Variants in AFF1 observed in about 807,000 individuals in gnomAD.
The protein encoded by AFF1 is ALF transcription elongation factor 1, also known as AF4/FMR2 family member 1.
AFF1 carries 48 observed loss-of-function variants against 121.7 expected under a neutral mutation model. The ratio of observed to expected loss-of-function variants is 0.39; its 90% CI spans 0.31 to 0.50. AFF1 has a LOEUF of 0.50. Among genes scored for constraint, AFF1 ranks in the 20% least tolerant of loss-of-function variants. The probability of loss-of-function intolerance (pLI) is 0.76; values close to 1 mark genes in which losing one functional copy is unlikely to be tolerated. For synonymous variants in AFF1, 613 were observed against 563.0 expected, an observed-to-expected ratio of 1.09 and a Z score of -1.26; for missense variants, 1,523 against 1,511.7, an observed-to-expected ratio of 1.01 and a Z score of -0.12.
chr4:87,118,774 G>C (rs2149778149), intron 12 of AFF1, among the ~76,000 whole-genome samples: 1 of 152,334 alleles, frequency 6.6e-6, no homozygotes, highest in African/African-American at 2.4e-5. Context: ...GAGGGTAGTT[G>C]TCTAGCTCCT....
chr4:87,065,185 T>C (rs1455524624), intron 4 of AFF1, among the ~76,000 whole-genome samples: 1 of 152,216 alleles, frequency 6.6e-6, no homozygotes, highest in Non-Finnish European at 1.5e-5. Context: ...CAGTTCCACA[T>C]GGAAGCCTCA....
At chr4:87,130,250 G>C (rs1728700159) in intron 16 of AFF1, among the ~76,000 whole-genome samples, 1 of 152,196 alleles carries the variant, frequency 6.6e-6, no homozygotes, top group African/African-American at 2.4e-5. Context: ...TGGGATTACA[G>C]GCGTGAGCCA....
At chr4:87,022,635 C>T (rs3113491) in intron 2 of AFF1, among the ~76,000 whole-genome samples, 44,576 of 62,700 alleles carry the variant, frequency 0.71, 15,017 homozygotes, top group Non-Finnish European at 0.81. Flanking sequence ...TATATATGTG[C>T]GTGTATATAT....
chr4:87,137,722 T>C lies in AFF1; in HGVS notation c.*2021T>C. On this transcript the variant is annotated 3_prime_UTR_variant, in exon 21 of 21. Coordinates refer to ENST00000395146, the MANE Select transcript of AFF1 (RefSeq NM_001166693.3). ...TGTGTAGCATTGTGTGTCCATCTGT[T>C]ATATGTAAAGGACAAGGCACCAGAA... The C allele has an allele frequency of 4.3e-6, 1 of 232,626 alleles. No individual in the cohort carries two copies. The highest frequency in any genetic ancestry group is 2.2e-5 in the African/African-American group (1 of 45,436). The allele number at this position is 232,626 out of a possible 1,614,324, so 14.4% of individuals were successfully genotyped here.
At chr4:86,939,480 T>G (rs74430027) in intron 1 of AFF1, among the ~76,000 whole-genome samples, 457 of 152,348 alleles carry the variant, frequency 3.0e-3, no homozygotes, top group African/African-American at 0.01. Flanking sequence ...TTTGAACATT[T>G]GTGCCTCCAA....
chr4:87,080,373 C>T (rs541027528), intron 4 of AFF1, among the ~76,000 whole-genome samples: 228 of 152,270 alleles, frequency 1.5e-3, no homozygotes, highest in Non-Finnish European at 2.5e-3. Flanking sequence ...TCTTTAAGGA[C>T]GTTGTACATT....
chr4:86,972,271 T>C (rs1173408358), intron 2 of AFF1, among the ~76,000 whole-genome samples: 4 of 151,710 alleles, frequency 2.6e-5, no homozygotes, highest in Non-Finnish European at 4.4e-5. Flanking sequence ...TGGTCTGTTA[T>C]AGCTGAGGTT....
chr4:87,016,310 T>G (rs1273610233), intron 2 of AFF1, among the ~76,000 whole-genome samples: 1 of 152,070 alleles, frequency 6.6e-6, no homozygotes, highest in African/African-American at 2.4e-5. Context: ...CCAGCCCAAG[T>G]TTTTGTAAAA....
chr4:86,945,183 T>C (rs1025158525), intron 1 of AFF1, among the ~76,000 whole-genome samples: 8 of 152,202 alleles, frequency 5.3e-5, no homozygotes, highest in African/African-American at 1.9e-4. Context: ...GTTTTACACA[T>C]AGGGGCATGG....
At chr4:86,970,452 G>C (rs1020404620) in intron 2 of AFF1, among the ~76,000 whole-genome samples, 3 of 152,218 alleles carry the variant, frequency 2.0e-5, no homozygotes, top group Admixed American at 1.3e-4. Context: ...CTTTACTTAA[G>C]GGTACATATT....
chr4:87,015,381 G>A (rs1201565629), intron 2 of AFF1, among the ~76,000 whole-genome samples: 1 of 152,172 alleles, frequency 6.6e-6, no homozygotes, highest in Non-Finnish European at 1.5e-5. Flanking sequence ...AGGATAAAAT[G>A]AAACCTAGTG....
At chr4:87,025,329 G>A (rs888495984) in intron 2 of AFF1, among the ~76,000 whole-genome samples, 3 of 152,134 alleles carry the variant, frequency 2.0e-5, no homozygotes, top group East Asian at 3.9e-4. Flanking sequence ...AAAACTTTTT[G>A]GTACAATTCT....
intron 8 of AFF1, among the ~76,000 whole-genome samples, chr4:87,096,731 C>T (rs1221892404): frequency 1.3e-5 from 2 of 151,840 alleles, no homozygotes; most frequent in Non-Finnish European, 2.9e-5. Context: ...TCCCTTTTGC[C>T]TTTCACCTTT....
chr4:87,053,721 G>T (rs866448938), intron 4 of AFF1, among the ~76,000 whole-genome samples: 6 of 152,270 alleles, frequency 3.9e-5, no homozygotes, highest in Middle Eastern at 6.8e-3. Flanking sequence ...TTAAAATGGT[G>T]GGCAAAACCA....
At chr4:87,103,753 A>G (rs1217436767) in intron 8 of AFF1, among the ~76,000 whole-genome samples, 2 of 152,238 alleles carry the variant, frequency 1.3e-5, no homozygotes, top group Non-Finnish European at 2.9e-5. Flanking sequence ...TAGAAGAGAA[A>G]GTTACAGAAT....
At chr4:87,070,219 G>T (rs1040356071) in intron 4 of AFF1, among the ~76,000 whole-genome samples, 1 of 152,208 alleles carries the variant, frequency 6.6e-6, no homozygotes, top group Non-Finnish European at 1.5e-5. Context: ...GGCGAGGCTA[G>T]TCTCAATCTC....
chr4:87,051,670 A>C (rs1382729022), intron 4 of AFF1, among the ~76,000 whole-genome samples: 1 of 151,932 alleles, frequency 6.6e-6, no homozygotes, highest in Non-Finnish European at 1.5e-5. Context: ...AGGTTTCACC[A>C]TGTTGGCCAG....
At chr4:86,990,253 CAGG>C (rs1724597111) in intron 2 of AFF1, among the ~76,000 whole-genome samples, 2 of 149,176 alleles carry the variant, frequency 1.3e-5, no homozygotes, top group East Asian at 3.9e-4. Flanking sequence ...GAGGCTGAGG[CAGG>C]AGAATTGCTT....
intron 8 of AFF1, among the ~76,000 whole-genome samples, chr4:87,104,157 A>C (rs1725688947): frequency 6.6e-6 from 1 of 152,212 alleles, no homozygotes; most frequent in African/African-American, 2.4e-5. Flanking sequence ...CTGTAACCCC[A>C]GCAGTTTAGG....
Sources: gnomAD v4.1 joint callset for allele counts (sites outside exome capture counted in the v4.1 genomes callset) on GRCh38, gnomAD v4.1.1 for gene constraint, MANE v1.5 for transcripts, NCBI Gene and HGNC (gene_info 2026-07-23, HGNC 2026-07-21) for gene names.